DTNA: variants seen among roughly 807,000 people sequenced by gnomAD.
DTNA encodes dystrobrevin alpha.
Under a neutral mutation model 100.7 loss-of-function variants are expected in DTNA, and 43 were observed. That is an observed-to-expected ratio of 0.43 (90% CI 0.33 to 0.55). The LOEUF is 0.55. Among genes scored for constraint, DTNA ranks in the 20% least tolerant of loss-of-function variants. The pLI is 0.04. For missense variants in DTNA, 798 were observed against 953.9 expected, an observed-to-expected ratio of 0.84 and a Z score of 2.15; for synonymous variants, 349 against 347.9, an observed-to-expected ratio of 1.00 and a Z score of -0.04.
chr18:34,749,235 T>C (rs2092033829), intron 1 of DTNA, among the ~76,000 whole-genome samples: 1 of 152,080 alleles, frequency 6.6e-6, no homozygotes, highest in African/African-American at 2.4e-5. Flanking sequence ...CTTTAGGGCC[T>C]CCTAGGTGTG....
chr18:34,838,622 C>T lies in DTNA; in HGVS notation c.1254-123C>T, dbSNP rs182302551. The T allele has an allele frequency of 3.7e-4, 291 of 788,070 alleles. 1 individual carries two copies. In the African/African-American group the frequency reaches 4.4e-3, roughly 12 times the overall value. The allele number at this position is 788,070 out of a possible 1,614,324, so 48.8% of individuals were successfully genotyped here. A position where few individuals can be genotyped will look rare whatever the true frequency, so the allele number is the denominator to read the frequency against. Reference sequence around the variant, plus strand: ...GTTTTTCATAGCACATCACTTACTACCCTTCCTTTACCTGCTTGGTTTTCT... The same window carrying T: ...GTTTTTCATAGCACATCACTTACTATCCTTCCTTTACCTGCTTGGTTTTCT... On this transcript the variant is annotated intron_variant, in intron 12 of 22. Coordinates refer to ENST00000444659, the MANE Select transcript of DTNA (RefSeq NM_001386795.1).
chr18:34,735,293 A>C (rs2089316904), intron 1 of DTNA, among the ~76,000 whole-genome samples: 1 of 152,112 alleles, frequency 6.6e-6, no homozygotes, highest in Non-Finnish European at 1.5e-5. Flanking sequence ...TTAAGAGTGG[A>C]TCTGCCTTCC....
At chr18:34,591,312 C>T (rs1316443407) in intron 1 of DTNA, among the ~76,000 whole-genome samples, 2 of 152,214 alleles carry the variant, frequency 1.3e-5, no homozygotes, top group Non-Finnish European at 2.9e-5. Flanking sequence ...TGAAAAGAAG[C>T]GTATTTTTCC....
chr18:34,554,610 T>C (rs1213193518), intron 1 of DTNA, among the ~76,000 whole-genome samples: 1 of 151,900 alleles, frequency 6.6e-6, no homozygotes, highest in Non-Finnish European at 1.5e-5. Flanking sequence ...GTCAAAGGCC[T>C]TCTCTGCATC....
chr18:34,794,223 T>G lies in DTNA; in HGVS notation c.335T>G (p.Leu112Arg), dbSNP rs2094871469. The G allele has an allele frequency of 1.2e-6, 2 of 1,614,000 alleles. No homozygotes were observed. Among genetic ancestry groups the G allele is most frequent in the Non-Finnish European group, 1.7e-6 (2 of 1,179,982 alleles). ...GTGGAGCAGTCCATCAGCCTCCTCC[T>G]TAACTTCCTGCTTGCAGCGTTTGAT... ...IHVEQSISLL[L>R]NFLLAAFDPE... Residue 112 changes from leucine to arginine, a missense_variant, in exon 4 of 23, where the codon CTT (leucine) becomes CGT (arginine). Physicochemically the swap from Leu to Arg is moderately radical, Grantham distance 102. Around this residue, in one of 6 missense-constraint regions of DTNA, gnomAD observed 197 missense variants for 215.4 expected, o/e 0.91. Transcript: ENST00000444659.
chr18:34,671,662 T>C (rs1295061808), intron 1 of DTNA, among the ~76,000 whole-genome samples: 2 of 152,370 alleles, frequency 1.3e-5, no homozygotes, highest in Admixed American at 6.5e-5. Context: ...ATGTTACTAA[T>C]GTAACTGATA....
At chr18:34,811,870 C>T (rs1265957312) in intron 5 of DTNA, 89 bp from the exon 6 acceptor site, 2 of 1,491,694 alleles carry the variant, frequency 1.3e-6, no homozygotes, top group Non-Finnish European at 1.8e-6. Context: ...TATTTTGCTA[C>T]TTTTTTGTCA....
At chr18:34,629,887 T>C (rs1038008343) in intron 1 of DTNA, among the ~76,000 whole-genome samples, 1 of 152,194 alleles carries the variant, frequency 6.6e-6, no homozygotes, top group African/African-American at 2.4e-5. Context: ...CTGGGCTTGA[T>C]ACATGCCTGC....
At chr18:34,573,569 A>C (rs1001114763) in intron 1 of DTNA, among the ~76,000 whole-genome samples, 2 of 152,160 alleles carry the variant, frequency 1.3e-5, no homozygotes, top group Non-Finnish European at 2.9e-5. Flanking sequence ...GCTCTTTTTT[A>C]TTCTTCTAAT....
intron 17 of DTNA, chr18:34,868,462 G>T (rs2096731360): frequency 1.0e-6 from 1 of 984,048 alleles, no homozygotes; most frequent in African/African-American, 1.7e-5. Context: ...GATCTAAGGA[G>T]AGAATTTAGA....
intron 1 of DTNA, among the ~76,000 whole-genome samples, chr18:34,672,152 C>T (rs1188155665): frequency 6.6e-6 from 1 of 152,130 alleles, no homozygotes; most frequent in Non-Finnish European, 1.5e-5. Flanking sequence ...TTCTGCCTTA[C>T]TTGGAATTAA....
Position 34,889,239 on chromosome 18 carries a change from A to T in DTNA, c.*1505A>T. ...AAAGGAGAGAACATTTTAGAACAAT[A>T]GTTCTCAAAGTGTGTTCCCCGGACA... On this transcript the variant is annotated 3_prime_UTR_variant, in exon 23 of 23. Transcript: ENST00000444659. 1.0e-6 allele frequency: 1 copy of T among 985,282 alleles called. No homozygotes were observed. The highest frequency in any genetic ancestry group is 1.1e-4 in the East Asian group (1 of 8,808). 61.0% of individuals were successfully genotyped at this position (985,282 alleles called of 1,614,324 possible). A position where few individuals can be genotyped will look rare whatever the true frequency, so the allele number is the denominator to read the frequency against.
At chr18:34,517,428 AC>A (rs1245651050) in intron 1 of DTNA, among the ~76,000 whole-genome samples, 2 of 150,512 alleles carry the variant, frequency 1.3e-5, no homozygotes, top group African/African-American at 4.9e-5. Context: ...CAATTCACAG[AC>A]CTTATTCAGA....
chr18:34,727,765 A>G (rs1041516453), intron 1 of DTNA, among the ~76,000 whole-genome samples: 22 of 152,058 alleles, frequency 1.4e-4, no homozygotes, highest in African/African-American at 5.1e-4. Flanking sequence ...GGGTTTCACC[A>G]TGTTGGTCAG....
intron 1 of DTNA, among the ~76,000 whole-genome samples, chr18:34,736,117 T>C (rs1487308840): frequency 3.3e-5 from 5 of 152,204 alleles, no homozygotes; most frequent in African/African-American, 9.6e-5. Context: ...CGTGAAGAGC[T>C]CTCACAAACA....
At chr18:34,760,395 G>A (rs1319010363) in intron 2 of DTNA, among the ~76,000 whole-genome samples, 2 of 152,086 alleles carry the variant, frequency 1.3e-5, no homozygotes, top group Admixed American at 6.5e-5. Flanking sequence ...TATACAATTT[G>A]TCTTTCTCTC....
chr18:34,664,386 A>G (rs1054048708), intron 1 of DTNA, among the ~76,000 whole-genome samples: 1 of 152,304 alleles, frequency 6.6e-6, no homozygotes, highest in Non-Finnish European at 1.5e-5. Context: ...GAATTTATAG[A>G]CCAATTCTTT....
At chr18:34,496,248 GA>G (rs2039211563) in intron 1 of DTNA, among the ~76,000 whole-genome samples, 1 of 79,172 alleles carries the variant, frequency 1.3e-5, no homozygotes, top group South Asian at 3.9e-4. Context: ...ACACACACCA[GA>G]ATTATGGCTA....
chr18:34,558,552 A>G (rs998590988), intron 1 of DTNA, among the ~76,000 whole-genome samples: 1 of 152,242 alleles, frequency 6.6e-6, no homozygotes, highest in Non-Finnish European at 1.5e-5. Context: ...GGAAAATAAT[A>G]CACAAATATG....
Sources: gnomAD v4.1 joint callset for allele counts (sites outside exome capture counted in the v4.1 genomes callset) on GRCh38, gnomAD v4.1.1 for gene constraint, gnomAD v4.1.1 regional missense constraint, MANE v1.5 for transcripts, NCBI Gene and HGNC (gene_info 2026-07-23, HGNC 2026-07-21) for gene names.